ATP10D: variants seen among roughly 807,000 people sequenced by gnomAD.
ATP10D encodes the protein phospholipid-transporting ATPase VD.
Under a neutral mutation model 144.8 loss-of-function variants are expected in ATP10D, and 89 were observed. The ratio of observed to expected loss-of-function variants is 0.61; its 90% confidence interval spans 0.52 to 0.73. The LOEUF is 0.73. Ranked by LOEUF, ATP10D falls within the 30% of genes least tolerant of loss-of-function variation. The pLI is 0.00. For missense variants in ATP10D, 1,603 were observed against 1,714.8 expected (o/e 0.93, Z 1.15); for synonymous variants, 571 against 615.1 (o/e 0.93, Z 1.06).
chr4:47,487,881 G>A (rs1274080050), intron 1 of ATP10D, among the ~76,000 whole-genome samples: 4 of 152,126 alleles, frequency 2.6e-5, no homozygotes, highest in Admixed American at 2.6e-4. Context: ...AGTGGCTCAT[G>A]CTTGTAATCC....
intron 14 of ATP10D, 32 bp from the exon 15 acceptor site, chr4:47,563,549 A>G (rs376409601): frequency 1.9e-6 from 3 of 1,569,026 alleles, no homozygotes; most frequent in African/African-American, 1.4e-5. Flanking sequence ...TTGGTTTCTT[A>G]CAAGTCCTAT....
At chr4:47,588,249 T>C (rs1268495171) in intron 22 of ATP10D, among the ~76,000 whole-genome samples, 1 of 152,218 alleles carries the variant, frequency 6.6e-6, no homozygotes, top group Non-Finnish European at 1.5e-5. Context: ...ATATAGATTC[T>C]TGGAACTCAG....
chr4:47,555,565 G>A (rs1335917066), intron 11 of ATP10D, among the ~76,000 whole-genome samples: 1 of 152,120 alleles, frequency 6.6e-6, no homozygotes, highest in East Asian at 1.9e-4. Context: ...TTGAACCTAG[G>A]AAATACAGCT....
chr4:47,505,330 G>A (rs1715961178), intron 1 of ATP10D, among the ~76,000 whole-genome samples: 2 of 152,196 alleles, frequency 1.3e-5, no homozygotes, highest in South Asian at 2.1e-4. Flanking sequence ...TTCTCAGGGT[G>A]TGGTCCCCAG....
In ATP10D at chr4:47,515,631, A is replaced by T. The variant is rs1716634810; in HGVS notation, c.446A>T (p.Asp149Val). 2 of 1,611,768 alleles carry T rather than the reference A, an allele frequency of 1.2e-6. No individual in the cohort carries two copies. Among genetic ancestry groups the T allele is most frequent in the Non-Finnish European group, 8.5e-7 (1 of 1,177,984 alleles). Residue 149 changes from aspartate (D) to valine (V), a missense_variant, in exon 3 of 23, where the codon GAC (aspartate) becomes GTC (valine). Asp to Val is a radical substitution (Grantham distance 152, BLOSUM62 -3). Transcript: ENST00000273859. Reference protein sequence around the residue: ...GLEDYRKYKIDKQINNLITKV... With the variant: ...GLEDYRKYKIVKQINNLITKV... ...GAAGATTATCGGAAATACAAAATTG[A>T]CAAACAGATCAATAATTTAATAACT...
At chr4:47,543,522 A>G (rs931202195) in intron 9 of ATP10D, among the ~76,000 whole-genome samples, 1 of 152,172 alleles carries the variant, frequency 6.6e-6, no homozygotes, top group Non-Finnish European at 1.5e-5. Flanking sequence ...CCCAGTTATA[A>G]CAAGCAAAAG....
rs372239038 is a variant in ATP10D, at chr4:47,559,074, T to C, written c.2541+45T>C. ...TCCATCTTTTTTGTTTTTTCCCTTG[T>C]TTAGCTATCACTGACTGAAAACCAG... On this transcript the variant is annotated intron_variant, in intron 13 of 22. Transcript: ENST00000273859. 8 of 1,499,084 alleles carry C rather than the reference T, an allele frequency of 5.3e-6. No individual in the cohort carries two copies. In the African/African-American group the frequency reaches 1.1e-4, roughly 21 times the overall value. The allele number at this position is 1,499,084 out of a possible 1,614,324, so 92.9% of individuals were successfully genotyped here. A position where few individuals can be genotyped will look rare whatever the true frequency, so the allele number is the denominator to read the frequency against.
intron 9 of ATP10D, among the ~76,000 whole-genome samples, chr4:47,543,324 C>T (rs1278932573): frequency 6.6e-6 from 1 of 152,122 alleles, no homozygotes; most frequent in Non-Finnish European, 1.5e-5. Context: ...GGGGAAACTT[C>T]TGTATTTTTA....
At chr4:47,527,806 A>C (rs1026808060) in intron 5 of ATP10D, among the ~76,000 whole-genome samples, 1 of 152,182 alleles carries the variant, frequency 6.6e-6, no homozygotes, top group Non-Finnish European at 1.5e-5. Flanking sequence ...AAAATAGTAC[A>C]ACCACTTTGG....
chr4:47,530,027 A>G (rs1717479337), intron 5 of ATP10D, among the ~76,000 whole-genome samples: 1 of 152,140 alleles, frequency 6.6e-6, no homozygotes, highest in Non-Finnish European at 1.5e-5. Flanking sequence ...TTGCTTATCA[A>G]GTATAGGAGT....
rs754482990 is a variant in ATP10D at position 47,535,872 on chromosome 4, A to G, written c.884-30A>G. ...TTCGCTTCTTGGCTTTAATTTGTACATTTTCTATCATACTGCACATCCTTC... is the reference window on the plus strand; with the variant it reads ...TTCGCTTCTTGGCTTTAATTTGTACGTTTTCTATCATACTGCACATCCTTC... On this transcript the variant is annotated intron_variant, in intron 6 of 22. Coordinates refer to ENST00000273859, the MANE Select transcript of ATP10D (RefSeq NM_020453.4). The G allele has an allele frequency of 1.3e-5, 21 of 1,589,578 alleles. 1 individual carries two copies. In the South Asian group the frequency reaches 2.1e-4, roughly 16 times the overall value.
chr4:47,589,741 A>G (rs539458253), intron 22 of ATP10D, among the ~76,000 whole-genome samples: 4 of 152,154 alleles, frequency 2.6e-5, no homozygotes, highest in Non-Finnish European at 5.9e-5. Context: ...GATGTTTTAT[A>G]TAGAATTTTA....
intron 9 of ATP10D, among the ~76,000 whole-genome samples, chr4:47,538,162 T>C (rs1717945964): frequency 6.6e-6 from 1 of 152,200 alleles, no homozygotes; most frequent in Non-Finnish European, 1.5e-5. Context: ...AATTTGTCTC[T>C]GCTTAGTGAT....
intron 9 of ATP10D, among the ~76,000 whole-genome samples, chr4:47,542,285 C>G (rs191076039): frequency 1.6e-3 from 239 of 152,008 alleles, no homozygotes; most frequent in African/African-American, 5.6e-3. Context: ...TTTGTAGAGG[C>G]AGGATTTCGC....
intron 22 of ATP10D, among the ~76,000 whole-genome samples, chr4:47,588,793 A>C (rs1257491407): frequency 6.6e-6 from 1 of 152,236 alleles, no homozygotes; most frequent in Non-Finnish European, 1.5e-5. Context: ...AGATGAACTT[A>C]CAGAATTTCT....
intron 1 of ATP10D, among the ~76,000 whole-genome samples, chr4:47,506,035 C>G (rs1577620996): frequency 1.3e-5 from 2 of 152,126 alleles, no homozygotes; most frequent in East Asian, 3.8e-4. Flanking sequence ...AGAACTAAAT[C>G]TGCCTTCAAG....
At chr4:47,515,704 T>A in intron 3 of ATP10D, 34 bp downstream of exon 3, 1 of 1,477,388 alleles carries the variant, frequency 6.8e-7, no homozygotes, top group Non-Finnish European at 9.3e-7. Flanking sequence ...AAGGACTATG[T>A]ATGTATCATT....
At chr4:47,494,105 T>G (rs907063055) in intron 1 of ATP10D, among the ~76,000 whole-genome samples, 3 of 152,120 alleles carry the variant, frequency 2.0e-5, no homozygotes, top group Non-Finnish European at 4.4e-5. Flanking sequence ...ACTTAAAAGT[T>G]TGTGTTGGAT....
intron 2 of ATP10D, among the ~76,000 whole-genome samples, chr4:47,514,299 A>G (rs923766677): frequency 1.3e-5 from 2 of 152,120 alleles, no homozygotes; most frequent in Non-Finnish European, 2.9e-5. Context: ...TCATTCTTTT[A>G]TGGAGTTTGG....
Sources: gnomAD v4.1 joint callset for allele counts (sites outside exome capture counted in the v4.1 genomes callset) on GRCh38, gnomAD v4.1.1 for gene constraint, MANE v1.5 for transcripts, NCBI Gene and HGNC (gene_info 2026-07-23, HGNC 2026-07-21) for gene names.